The following HIP1 variants were observed in gnomAD, a reference collection of about 807,000 sequenced individuals.
The protein encoded by HIP1 is huntingtin-interacting protein 1.
Under a neutral mutation model 147.6 loss-of-function variants are expected in HIP1, and 65 were observed. The observed-to-expected ratio is 0.44, with a 90% CI of 0.36 to 0.54. The LOEUF is 0.54. HIP1 is among the 20% of genes least tolerant of loss of function. The probability of loss-of-function intolerance (pLI) is 0.00; values close to 1 mark genes in which losing one functional copy is unlikely to be tolerated. For missense variants in HIP1, 1,061 were observed against 1,299.6 expected, an observed-to-expected ratio of 0.82 and a Z score of 2.82; for synonymous variants, 479 against 504.0, an observed-to-expected ratio of 0.95 and a Z score of 0.67.
chr7:75,599,103 A>C, intron 2 of HIP1, 81 bp downstream of exon 2: 1 of 1,060,346 alleles, frequency 9.4e-7, no homozygotes, highest in Non-Finnish European at 1.5e-6. Context: ...GGAGCTGAGC[A>C]AGGCAGCCTG....
chr7:75,680,947 T>C (rs111699382), intron 1 of HIP1, among the ~76,000 whole-genome samples: 3,096 of 152,246 alleles, frequency 0.02, 59 homozygotes, highest in Middle Eastern at 0.11. Flanking sequence ...GGCTAATTTT[T>C]TTGTATTTTT....
chr7:75,640,169 C>G (rs1321208750), intron 1 of HIP1, among the ~76,000 whole-genome samples: 1 of 152,220 alleles, frequency 6.6e-6, no homozygotes, highest in Non-Finnish European at 1.5e-5. Context: ...CCATTCAAGC[C>G]TATAGTTTCA....
chr7:75,698,421 G>C (rs1387066492), intron 1 of HIP1, among the ~76,000 whole-genome samples: 1 of 152,122 alleles, frequency 6.6e-6, no homozygotes. Flanking sequence ...AACCCAGGCA[G>C]TTCTACTCTT....
At chr7:75,665,296 G>C (rs1421557750) in intron 1 of HIP1, among the ~76,000 whole-genome samples, 1 of 151,938 alleles carries the variant, frequency 6.6e-6, no homozygotes, top group Non-Finnish European at 1.5e-5. Flanking sequence ...ACAAAATAAA[G>C]GTCTGGCTGC....
At chr7:75,665,077 T>C (rs1294543235) in intron 1 of HIP1, among the ~76,000 whole-genome samples, 1 of 152,070 alleles carries the variant, frequency 6.6e-6, no homozygotes, top group East Asian at 1.9e-4. Context: ...ATAGTGAATA[T>C]AGTGAGACCC....
At chr7:75,704,297 G>GT (rs1210991346) in intron 1 of HIP1, among the ~76,000 whole-genome samples, 6 of 152,030 alleles carry the variant, frequency 3.9e-5, no homozygotes, top group African/African-American at 1.5e-4. Context: ...CCAGGCTGGA[G>GT]TGCAATGGCG....
intron 1 of HIP1, among the ~76,000 whole-genome samples, chr7:75,656,942 C>T (rs1799160556): frequency 6.6e-6 from 1 of 152,222 alleles, no homozygotes; most frequent in Non-Finnish European, 1.5e-5. Context: ...AATGTTCCCA[C>T]AAGTTCACAA....
intron 5 of HIP1, among the ~76,000 whole-genome samples, chr7:75,582,717 G>C (rs1796105329): frequency 6.6e-6 from 1 of 152,176 alleles, no homozygotes; most frequent in Admixed American, 6.5e-5. Flanking sequence ...GGTTGAGGCA[G>C]AATTGCTTGA....
At chr7:75,724,809 G>A (rs1801603294) in intron 1 of HIP1, among the ~76,000 whole-genome samples, 1 of 152,194 alleles carries the variant, frequency 6.6e-6, no homozygotes. Context: ...GCTAACAACA[G>A]GGCTCAATTT....
rs1796587168 is a variant in HIP1, at chr7:75,593,824, C to G, written c.185-1310G>C. On this transcript the variant is annotated intron_variant, in intron 2 of 30. Coordinates refer to ENST00000336926, the MANE Select transcript of HIP1 (RefSeq NM_005338.7). ...TTTAAAATGCCCTTTCTGTAAACCT[C>G]AACACCCCACTTCTTCCGTAAACCC... 5.9e-5 allele frequency among the ~76,000 whole-genome samples: 9 copies of G among 152,094 alleles called. No homozygotes were observed. The South Asian group carries it at 1.9e-3, about 32-fold the overall frequency.
At chr7:75,730,058 G>A (rs113310077) in intron 1 of HIP1, among the ~76,000 whole-genome samples, 7,782 of 152,186 alleles carry the variant, frequency 0.051, 217 homozygotes, top group Middle Eastern at 0.068. Flanking sequence ...GGGGCCGCCC[G>A]AGGGGGTACA....
intron 7 of HIP1, among the ~76,000 whole-genome samples, chr7:75,577,143 T>A (rs1795871090): frequency 6.6e-6 from 1 of 151,474 alleles, no homozygotes; most frequent in African/African-American, 2.4e-5. Flanking sequence ...ACCAGCCTGG[T>A]CATATAGCAA....
At position 75,592,495 on chromosome 7, in the gene HIP1, G is replaced by A. The variant is rs1796531402; in HGVS notation, c.204C>T (p.His68=). ...AGAAGGTCTGTGCCCCTTTCTCATG[G>A]TGGGTGCCCAGTATGCACGGTGAGG... is the stretch of plus-strand genomic sequence containing the variant. ...KHARTCILGT[H]HEKGAQTFWS... The change falls in exon 3 of 31, where the codon CAC becomes CAT. Residue 68 remains histidine, a synonymous_variant. Transcript: ENST00000336926. 6.2e-7 allele frequency: 1 copy of A among 1,611,050 alleles called. No homozygotes were observed. Among genetic ancestry groups the A allele is most frequent in the African/African-American group, 1.3e-5 (1 of 74,638 alleles).
At chr7:75,616,070 AG>A (rs1222030100) in intron 1 of HIP1, among the ~76,000 whole-genome samples, 1 of 116,116 alleles carries the variant, frequency 8.6e-6, no homozygotes, top group Non-Finnish European at 1.7e-5. Flanking sequence ...TGGGCGACAG[AG>A]TAAGACTCTG....
chr7:75,691,364 G>A (rs1310717708), intron 1 of HIP1, among the ~76,000 whole-genome samples: 1 of 151,808 alleles, frequency 6.6e-6, no homozygotes, highest in African/African-American at 2.4e-5. Flanking sequence ...GGTGGCACGT[G>A]CCTGTAATCC....
At chr7:75,665,493 G>T (rs1277594575) in intron 1 of HIP1, among the ~76,000 whole-genome samples, 2 of 151,966 alleles carry the variant, frequency 1.3e-5, no homozygotes, top group African/African-American at 2.4e-5. Flanking sequence ...CTGTCTTGTG[G>T]CTTTGCTAAT....
At chr7:75,599,500 G>A (rs1253803064) in intron 1 of HIP1, among the ~76,000 whole-genome samples, 1 of 152,160 alleles carries the variant, frequency 6.6e-6, no homozygotes, top group East Asian at 1.9e-4. Flanking sequence ...TGCTGCTCCC[G>A]CCTGCCACTC....
At chr7:75,700,098 G>A (rs769647838) in intron 1 of HIP1, among the ~76,000 whole-genome samples, 1 of 152,144 alleles carries the variant, frequency 6.6e-6, no homozygotes, top group South Asian at 2.1e-4. Flanking sequence ...TGATCCGCCC[G>A]CATCGGCCTC....
chr7:75,541,777 T>G, intron 29 of HIP1, 142 bp downstream of exon 29: 1 of 608,874 alleles, frequency 1.6e-6, no homozygotes, highest in Non-Finnish European at 3.0e-6. Flanking sequence ...CTCCACTGTT[T>G]CTTCCGGCAA....
Sources: gnomAD v4.1 joint callset for allele counts (sites outside exome capture counted in the v4.1 genomes callset) on GRCh38, gnomAD v4.1.1 for gene constraint, MANE v1.5 for transcripts, NCBI Gene and HGNC (gene_info 2026-07-23, HGNC 2026-07-21) for gene names.